The following PCDHA5 variants were observed in gnomAD, a reference collection of about 807,000 sequenced individuals.
PCDHA5 encodes protocadherin alpha 5, also known as protocadherin alpha-5.
Under a neutral mutation model 61.6 loss-of-function variants are expected in PCDHA5, and 43 were observed. That is an observed-to-expected ratio of 0.70 (90% CI 0.55 to 0.90). The LOEUF (loss-of-function observed/expected upper bound fraction) is 0.90, where lower values mean the gene tolerates loss of function less well. PCDHA5 is among the 40% of genes least tolerant of loss of function. The pLI is 0.00. For missense variants in PCDHA5, 1,298 were observed against 1,222.7 expected (o/e 1.06, Z -0.92); for synonymous variants, 627 against 543.9 (o/e 1.15, Z -2.13).
intron 1 of PCDHA5, chr5:140,928,716 C>T (rs555492959): frequency 3.1e-6 from 5 of 1,614,178 alleles, no homozygotes; most frequent in East Asian, 4.5e-5. Flanking sequence ...ACTCTAGTCT[C>T]TTTAGAATTT....
intron 1 of PCDHA5, chr5:140,860,872 G>C (rs923006368): frequency 1.3e-5 from 2 of 152,288 alleles, no homozygotes; most frequent in African/African-American, 4.8e-5. Context: ...GGAGTAGCTG[G>C]GACTACAGGT....
At chr5:141,006,894 A>G (rs781832084) in intron 3 of PCDHA5, among the ~76,000 whole-genome samples, 6 of 152,212 alleles carry the variant, frequency 3.9e-5, no homozygotes, top group African/African-American at 7.2e-5. Context: ...TTGATTTCAG[A>G]TTTCTTCAGT....
At chr5:140,926,899 G>A (rs1554203765) in intron 1 of PCDHA5, 2 of 1,552,028 alleles carry the variant, frequency 1.3e-6, no homozygotes, top group Non-Finnish European at 1.7e-6. Context: ...GAGGATGGTG[G>A]GCTGTGGGGT....
rs535981750 is a variant in PCDHA5 at position 140,934,094 on chromosome 5, GCTTT to G, written c.2353-44852_2353-44849del. Among the ~76,000 whole-genome samples, 58 of 151,890 alleles carry G rather than the reference GCTTT, an allele frequency of 3.8e-4. 1 individual carries two copies. The highest frequency in any genetic ancestry group is 6.8e-3 in the Middle Eastern group (2 of 292). ...TTTGGGTTCGCTTTGTTGTATGTTT[GCTTT>G]CTATTTTATTAATTTTCATACTTTA... On this transcript the variant is annotated intron_variant, in intron 1 of 3. Transcript: ENST00000529859.
At chr5:140,870,634 G>T in intron 1 of PCDHA5, 1 of 1,612,862 alleles carries the variant, frequency 6.2e-7, no homozygotes, top group Non-Finnish European at 8.5e-7. Context: ...GTCGGTGCAC[G>T]CGGAGAGCGG....
At chr5:140,950,872 T>C (rs782492363) in intron 1 of PCDHA5, among the ~76,000 whole-genome samples, 14 of 152,210 alleles carry the variant, frequency 9.2e-5, no homozygotes, top group Middle Eastern at 3.4e-3. Context: ...ATATTCTATA[T>C]TGTTCAATAG....
At chr5:140,947,734 C>T (rs2094167568) in intron 1 of PCDHA5, among the ~76,000 whole-genome samples, 1 of 151,286 alleles carries the variant, frequency 6.6e-6, no homozygotes, top group African/African-American at 2.4e-5. Flanking sequence ...TTTTGTAATA[C>T]CTATTCTTAT....
chr5:140,993,406 T>G (rs1382987714), intron 3 of PCDHA5, among the ~76,000 whole-genome samples: 2 of 150,884 alleles, frequency 1.3e-5, no homozygotes, highest in Non-Finnish European at 2.9e-5. Context: ...TTAACCACCT[T>G]CATCAGCATT....
intron 1 of PCDHA5, chr5:140,967,365 T>G: frequency 6.2e-7 from 1 of 1,607,630 alleles, no homozygotes; most frequent in Non-Finnish European, 8.5e-7. Flanking sequence ...CTTAAGCCCC[T>G]GCAGGAGAAC....
At chr5:140,834,488 C>G in intron 1 of PCDHA5, 1 of 1,614,154 alleles carries the variant, frequency 6.2e-7, no homozygotes. Flanking sequence ...ACTACTCGGT[C>G]CCCGAGGAGG....
In PCDHA5 at chr5:140,823,337, C is replaced by G; in HGVS notation, c.1562C>G (p.Pro521Arg). 6.2e-7 allele frequency: 1 copy of G among 1,612,260 alleles called. No homozygotes were observed. Among genetic ancestry groups the G allele is most frequent in the Admixed American group, 1.7e-5 (1 of 60,014 alleles). Residue 521 changes from proline (P) to arginine (R), a missense_variant, in exon 1 of 4, where the codon CCG (proline) becomes CGG (arginine). Transcript: ENST00000529859. ...AESGKVYALQPLDHEEVELLQ... is the reference protein window; with the variant it reads ...AESGKVYALQRLDHEEVELLQ... ...AGCGGCAAGGTGTACGCGCTGCAGCCGCTGGACCACGAGGAAGTGGAGCTG... is the reference window on the plus strand; with the variant it reads ...AGCGGCAAGGTGTACGCGCTGCAGCGGCTGGACCACGAGGAAGTGGAGCTG...
intron 1 of PCDHA5, chr5:140,858,764 G>C: frequency 4.4e-6 from 2 of 451,976 alleles, no homozygotes; most frequent in Non-Finnish European, 8.0e-6. Context: ...ACAAATATTT[G>C]TGAGATTAGT....
intron 1 of PCDHA5, chr5:140,875,866 G>T: frequency 6.2e-7 from 1 of 1,614,192 alleles, no homozygotes; most frequent in Non-Finnish European, 8.5e-7. Context: ...CAACCCGCCG[G>T]TGTTCAGAGA....
chr5:140,872,203 T>C (rs2053540668), intron 1 of PCDHA5, among the ~76,000 whole-genome samples: 1 of 152,208 alleles, frequency 6.6e-6, no homozygotes, highest in Non-Finnish European at 1.5e-5. Context: ...CATCATAAAT[T>C]CATTATATAT....
At chr5:140,944,655 C>A (rs1045047658) in intron 1 of PCDHA5, among the ~76,000 whole-genome samples, 3 of 152,128 alleles carry the variant, frequency 2.0e-5, no homozygotes, top group Admixed American at 2.0e-4. Flanking sequence ...GGAGTCCATA[C>A]CCCTTATTTA....
intron 1 of PCDHA5, chr5:140,884,600 C>T: frequency 6.2e-7 from 1 of 1,614,150 alleles, no homozygotes; most frequent in Non-Finnish European, 8.5e-7. Flanking sequence ...CAGCCTTCCT[C>T]CTTGTCTGGG....
intron 1 of PCDHA5, among the ~76,000 whole-genome samples, chr5:140,840,706 G>A (rs1262374408): frequency 6.6e-6 from 1 of 151,968 alleles, no homozygotes; most frequent in African/African-American, 2.4e-5. Flanking sequence ...CAGGCAATTT[G>A]ACATTTATTG....
rs530453384 is a variant in PCDHA5, at chr5:140,891,358, GA to G, written c.2352+67232del. Among the ~76,000 whole-genome samples the G allele has an allele frequency of 3.0e-3, 462 of 152,158 alleles. 1 individual carries two copies. Among genetic ancestry groups the G allele is most frequent in the Non-Finnish European group, 4.7e-3 (320 of 67,992 alleles). On this transcript the variant is annotated intron_variant, in intron 1 of 3. Transcript: ENST00000529859. ...TGAGATTTTGGTGCATCCATCACCT[GA>G]GCAGTATACATTGCACCATATTTGC...
At chr5:140,843,690 A>G (rs2150365181) in intron 1 of PCDHA5, 2 of 1,587,072 alleles carry the variant, frequency 1.3e-6, no homozygotes, top group Admixed American at 3.4e-5. Context: ...GAAGAGCAAG[A>G]TTTAAATGTT....
Sources: allele counts gnomAD v4.1 joint callset (sites outside exome capture counted in the v4.1 genomes callset), GRCh38; gene constraint gnomAD v4.1.1; transcripts MANE v1.5; gene names NCBI Gene and HGNC (gene_info 2026-07-23, HGNC 2026-07-21).